Variants in ZFHX3 observed in about 807,000 individuals in gnomAD.
ZFHX3 encodes the protein zinc finger homeobox protein 3.
ZFHX3 carries 42 observed loss-of-function variants against 279.1 expected under a neutral mutation model. The ratio of observed to expected loss-of-function variants is 0.15; its 90% CI spans 0.12 to 0.19. The LOEUF is 0.19. ZFHX3 is among the 10% of genes least tolerant of loss of function. The pLI, the probability that ZFHX3 is intolerant of heterozygous loss-of-function variation, is 1.00. For synonymous variants in ZFHX3, 2,293 were observed against 1,957.8 expected (o/e 1.17, Z -4.52); for missense variants, 4,981 against 4,754.0 (o/e 1.05, Z -1.40).
At chr16:73,596,248 C>T (rs1460869934) in intron 2 of ZFHX3, among the ~76,000 whole-genome samples, 2 of 152,114 alleles carry the variant, frequency 1.3e-5, no homozygotes, top group African/African-American at 4.8e-5. Context: ...TAGTCTCTAT[C>T]TCCTGACTTC....
intron 3 of ZFHX3, among the ~76,000 whole-genome samples, chr16:72,905,811 C>A (rs1473328684): frequency 6.6e-6 from 1 of 152,212 alleles, no homozygotes; most frequent in Non-Finnish European, 1.5e-5. Context: ...TCCGATGAGT[C>A]AGAATGAGGG....
chr16:73,678,694 A>G (rs1406994821), intron 2 of ZFHX3, among the ~76,000 whole-genome samples: 1 of 152,194 alleles, frequency 6.6e-6, no homozygotes, highest in South Asian at 2.1e-4. Flanking sequence ...TGAAGGAAAT[A>G]TTAAAACAAA....
At chr16:73,186,366 G>A (rs781753432) in intron 5 of ZFHX3, among the ~76,000 whole-genome samples, 37 of 151,992 alleles carry the variant, frequency 2.4e-4, no homozygotes, top group Non-Finnish European at 4.7e-4. Flanking sequence ...CTGTGTGATC[G>A]TGAATAGAAC....
At chr16:72,823,935 G>A (rs2036865606) in intron 5 of ZFHX3, among the ~76,000 whole-genome samples, 1 of 152,020 alleles carries the variant, frequency 6.6e-6, no homozygotes, top group Non-Finnish European at 1.5e-5. Context: ...TGTCCTTAGA[G>A]ACTCAATTTG....
intron 1 of ZFHX3, among the ~76,000 whole-genome samples, chr16:73,842,850 A>C (rs1207700561): frequency 1.3e-5 from 2 of 150,658 alleles, no homozygotes; most frequent in African/African-American, 4.9e-5. Flanking sequence ...GCCACCTCCC[A>C]TGCCCCAGCT....
chr16:73,044,777 A>T (rs1331764703), intron 1 of ZFHX3, among the ~76,000 whole-genome samples: 8 of 152,072 alleles, frequency 5.3e-5, no homozygotes, highest in Admixed American at 5.2e-4. Context: ...ATGCACCATC[A>T]CACTCGGCTA....
chr16:73,457,982 A>G (rs939966183), intron 2 of ZFHX3, among the ~76,000 whole-genome samples: 4 of 152,074 alleles, frequency 2.6e-5, no homozygotes, highest in African/African-American at 9.7e-5. Context: ...TGTTTAACAG[A>G]TTCTCCAGCA....
intron 8 of ZFHX3, among the ~76,000 whole-genome samples, chr16:73,090,860 A>G (rs190602866): frequency 4.7e-5 from 7 of 149,708 alleles, no homozygotes; most frequent in Non-Finnish European, 8.8e-5. Flanking sequence ...GCAGTGAACC[A>G]TGATTGCACC....
intron 5 of ZFHX3, among the ~76,000 whole-genome samples, chr16:72,828,480 G>C (rs1235158122): frequency 6.6e-6 from 1 of 152,160 alleles, no homozygotes; most frequent in Non-Finnish European, 1.5e-5. Context: ...TCCAGAAATA[G>C]CACTTCCTGT....
chr16:72,828,407 C>A (rs1443463649), intron 5 of ZFHX3, among the ~76,000 whole-genome samples: 1 of 152,186 alleles, frequency 6.6e-6, no homozygotes, highest in Non-Finnish European at 1.5e-5. Flanking sequence ...CTCTTCTTCC[C>A]CTCAACATAG....
chr16:72,928,486 C>G (rs918674760), intron 3 of ZFHX3, among the ~76,000 whole-genome samples: 3 of 152,052 alleles, frequency 2.0e-5, no homozygotes, highest in Non-Finnish European at 2.9e-5. Context: ...CAGCACCCGG[C>G]TCACCAAGGC....
intron 4 of ZFHX3, among the ~76,000 whole-genome samples, chr16:72,883,001 T>C (rs1025732250): frequency 7.4e-6 from 1 of 135,598 alleles, no homozygotes. Context: ...TGTGTGTGTG[T>C]GTGTGTGTGT....
At chr16:73,720,693 A>G (rs1230857296) in intron 1 of ZFHX3, among the ~76,000 whole-genome samples, 1 of 152,202 alleles carries the variant, frequency 6.6e-6, no homozygotes, top group Non-Finnish European at 1.5e-5. Flanking sequence ...TCCCTGTGTG[A>G]TAATTGTATA....
intron 3 of ZFHX3, among the ~76,000 whole-genome samples, chr16:73,405,263 G>A (rs1213434804): frequency 6.6e-6 from 1 of 152,180 alleles, no homozygotes; most frequent in African/African-American, 2.4e-5. Flanking sequence ...TAAATTTAGG[G>A]GCCAGAATGG....
chr16:73,819,628 G>A (rs937410133), intron 1 of ZFHX3, among the ~76,000 whole-genome samples: 46 of 152,064 alleles, frequency 3.0e-4, no homozygotes, highest in African/African-American at 1.0e-3. Flanking sequence ...AGAGACTTCC[G>A]AGAACTAAAA....
intron 3 of ZFHX3, among the ~76,000 whole-genome samples, chr16:73,365,886 C>G (rs537611466): frequency 6.6e-6 from 1 of 152,280 alleles, no homozygotes; most frequent in African/African-American, 2.4e-5. Context: ...TACAAATTCA[C>G]AGAAACAACA....
intron 4 of ZFHX3, among the ~76,000 whole-genome samples, chr16:72,876,899 A>T (rs868154429): frequency 6.6e-6 from 1 of 152,150 alleles, no homozygotes. Flanking sequence ...GGGTCTTTCA[A>T]CGTGAGCCTG....
At position 73,866,563 on chromosome 16, in the gene ZFHX3, T is replaced by C. The variant is rs560790914; in HGVS notation, c.-1608+25088A>G. ...TTTTCAAAGAGTTTGGGCCTCAAAT[T>C]ATTTTTGTCTTTCTTCCTTCTCTCA... is the stretch of plus-strand genomic sequence containing the variant. On this transcript the variant is annotated intron_variant, in intron 1 of 17. Transcript: ENST00000641206. Among the ~76,000 whole-genome samples the C allele has an allele frequency of 9.5e-4, 145 of 152,230 alleles. 1 individual carries two copies. The highest frequency in any genetic ancestry group is 3.4e-3 in the African/African-American group (142 of 41,540).
At chr16:72,944,983 G>C (rs968132808) in intron 3 of ZFHX3, among the ~76,000 whole-genome samples, 1 of 151,990 alleles carries the variant, frequency 6.6e-6, no homozygotes, top group African/African-American at 2.4e-5. Flanking sequence ...CAACTAATAA[G>C]ATTTCAGTTC....
Sources: gnomAD v4.1 joint callset for allele counts (sites outside exome capture counted in the v4.1 genomes callset) on GRCh38, gnomAD v4.1.1 for gene constraint, MANE v1.5 for transcripts, NCBI Gene and HGNC (gene_info 2026-07-23, HGNC 2026-07-21) for gene names.